Variants in ANKS1B observed in about 807,000 individuals in gnomAD.
ANKS1B encodes ankyrin repeat and sterile alpha motif domain containing 1B.
ANKS1B carries 36 observed loss-of-function variants against 148.3 expected under a neutral mutation model. That is an observed-to-expected ratio of 0.24 (90% CI 0.19 to 0.32). The LOEUF (loss-of-function observed/expected upper bound fraction) is 0.32, where lower values mean the gene tolerates loss of function less well. Ranked by LOEUF, ANKS1B falls within the 10% of genes least tolerant of loss-of-function variation. The pLI is 1.00. For synonymous variants in ANKS1B, 542 were observed against 560.8 expected (o/e 0.97, Z 0.47); for missense variants, 1,157 against 1,542.6 (o/e 0.75, Z 4.19).
At chr12:98,879,482 A>C (rs1051465008) in intron 17 of ANKS1B, among the ~76,000 whole-genome samples, 3 of 152,214 alleles carry the variant, frequency 2.0e-5, no homozygotes, top group African/African-American at 7.2e-5. Context: ...CTCTGAAGAA[A>C]AGCAGCAGCT....
chr12:98,858,784 C>T (rs1298060028), intron 17 of ANKS1B, among the ~76,000 whole-genome samples: 1 of 152,188 alleles, frequency 6.6e-6, no homozygotes, highest in South Asian at 2.1e-4. Flanking sequence ...TTCTCTGGCA[C>T]TACTGGAAGC....
chr12:99,518,299 T>A (rs1035669260), intron 9 of ANKS1B, among the ~76,000 whole-genome samples: 1 of 152,158 alleles, frequency 6.6e-6, no homozygotes, highest in African/African-American at 2.4e-5. Context: ...GTATTAGTTC[T>A]TTAAATGTTT....
intron 9 of ANKS1B, among the ~76,000 whole-genome samples, chr12:99,554,102 CA>C (rs1164190123): frequency 1.3e-5 from 2 of 152,092 alleles, no homozygotes; most frequent in Non-Finnish European, 2.9e-5. Context: ...AGACCAAATC[CA>C]GAAGGGCTCA....
chr12:99,971,226 C>T (rs11110163), intron 1 of ANKS1B, among the ~76,000 whole-genome samples: 9,594 of 152,200 alleles, frequency 0.063, 334 homozygotes, highest in Middle Eastern at 0.14. Flanking sequence ...TAATTCTTCA[C>T]GTTCTCTGCT....
At chr12:99,760,132 G>GAA (rs2061946033) in intron 8 of ANKS1B, among the ~76,000 whole-genome samples, 3 of 151,644 alleles carry the variant, frequency 2.0e-5, no homozygotes, top group African/African-American at 7.3e-5. Flanking sequence ...CACATTTTAA[G>GAA]CACATGCACA....
intron 25 of ANKS1B, among the ~76,000 whole-genome samples, chr12:98,763,223 G>A (rs886236277): frequency 6.6e-6 from 1 of 152,108 alleles, no homozygotes; most frequent in African/African-American, 2.4e-5. Flanking sequence ...CTTCACCCAC[G>A]TCCGGAGGCA....
intron 8 of ANKS1B, among the ~76,000 whole-genome samples, chr12:99,762,351 AAC>A (rs2153609211): frequency 6.6e-6 from 1 of 150,588 alleles, no homozygotes; most frequent in East Asian, 2.1e-4. Flanking sequence ...AGAAACATAG[AAC>A]AAAGGAACAG....
intron 9 of ANKS1B, among the ~76,000 whole-genome samples, chr12:99,535,836 C>G (rs1359454074): frequency 5.3e-5 from 8 of 152,102 alleles, no homozygotes. Context: ...AGCACTTAAC[C>G]AAAGGTTTGC....
chr12:99,374,046 C>A (rs2093276014), intron 12 of ANKS1B, among the ~76,000 whole-genome samples: 1 of 152,200 alleles, frequency 6.6e-6, no homozygotes, highest in Non-Finnish European at 1.5e-5. Flanking sequence ...CAGTTCCTTA[C>A]AATTTCAGTC....
At chr12:99,230,911 A>G (rs2712653) in intron 14 of ANKS1B, among the ~76,000 whole-genome samples, 128,326 of 152,118 alleles carry the variant, frequency 0.84, 54,733 homozygotes, top group East Asian at 1. Context: ...ATAAAATAGC[A>G]TGCTTGTGTG....
intron 17 of ANKS1B, among the ~76,000 whole-genome samples, chr12:98,959,059 CA>C (rs1413003042): frequency 6.6e-6 from 1 of 151,966 alleles, no homozygotes; most frequent in African/African-American, 2.4e-5. Context: ...AGTGAACTGA[CA>C]AAAAAGTATT....
intron 14 of ANKS1B, among the ~76,000 whole-genome samples, chr12:99,219,771 T>G (rs1477128268): frequency 6.6e-6 from 1 of 152,184 alleles, no homozygotes; most frequent in Non-Finnish European, 1.5e-5. Flanking sequence ...AAAGCCTCTT[T>G]CTAAGAATTC....
At chr12:99,352,887 A>G (rs911902942) in intron 12 of ANKS1B, among the ~76,000 whole-genome samples, 2 of 152,052 alleles carry the variant, frequency 1.3e-5, no homozygotes, top group African/African-American at 4.8e-5. Context: ...TCTATTATAG[A>G]TATAACTAAA....
In ANKS1B at chr12:99,731,413, C is replaced by CCTGTGTGTGT. The variant is rs1237223581; in HGVS notation, c.1128+41508_1128+41509insACACACACAG. On this transcript the variant is annotated intron_variant, in intron 8 of 26. Coordinates refer to ENST00000683438, the MANE Select transcript of ANKS1B (RefSeq NM_001352186.2). ...GGATTATAGGCGTGAACCACCGTGC[C>CCTGTGTGTGT]GTGTGTGTGTGTGTGTGTGTGTGTG... Among the ~76,000 whole-genome samples the CCTGTGTGTGT allele has an allele frequency of 4.1e-3, 593 of 143,830 alleles. 10 individuals carry two copies. The highest frequency in any genetic ancestry group is 0.022 in the South Asian group (97 of 4,388). 94.4% of individuals were successfully genotyped at this position (143,830 alleles called of 152,430 possible).
At chr12:99,379,127 A>G (rs2093530518) in intron 12 of ANKS1B, among the ~76,000 whole-genome samples, 1 of 152,240 alleles carries the variant, frequency 6.6e-6, no homozygotes, top group African/African-American at 2.4e-5. Context: ...TAGAGAAATA[A>G]AAGGTTTGCT....
chr12:98,761,089 C>T (rs1592946265), intron 25 of ANKS1B, among the ~76,000 whole-genome samples: 3 of 152,152 alleles, frequency 2.0e-5, no homozygotes, highest in Admixed American at 6.5e-5. Flanking sequence ...TAAGGATCAG[C>T]GAAATTGACA....
chr12:99,591,034 A>ATT (rs58040041), intron 9 of ANKS1B, among the ~76,000 whole-genome samples: 5 of 150,214 alleles, frequency 3.3e-5, no homozygotes, highest in Non-Finnish European at 5.9e-5. Context: ...GGTAAAGAAT[A>ATT]TTTTTTTTTT....
intron 1 of ANKS1B, among the ~76,000 whole-genome samples, chr12:99,866,229 C>G (rs1017564029): frequency 3.9e-5 from 6 of 152,086 alleles, no homozygotes; most frequent in Non-Finnish European, 8.8e-5. Context: ...GGAATTAAAG[C>G]CATTTTGCCT....
intron 8 of ANKS1B, among the ~76,000 whole-genome samples, chr12:99,699,078 A>G (rs946077157): frequency 3.3e-5 from 5 of 152,096 alleles, no homozygotes; most frequent in African/African-American, 1.2e-4. Context: ...ATTCATTCAG[A>G]TTCATTCAAT....
Sources: gnomAD v4.1 joint callset for allele counts (sites outside exome capture counted in the v4.1 genomes callset) on GRCh38, gnomAD v4.1.1 for gene constraint, MANE v1.5 for transcripts, NCBI Gene and HGNC (gene_info 2026-07-23, HGNC 2026-07-21) for gene names.